PRKG1: variants seen among roughly 807,000 people sequenced by gnomAD.
PRKG1 encodes cGMP-dependent protein kinase 1.
A neutral mutation model predicts 88.1 loss-of-function variants in PRKG1; 35 were observed. The ratio of observed to expected loss-of-function variants is 0.40; its 90% confidence interval spans 0.30 to 0.53. PRKG1 has a LOEUF of 0.53. PRKG1 is among the 20% of genes least tolerant of loss of function. The pLI, the probability that PRKG1 is intolerant of heterozygous loss-of-function variation, is 0.59. For missense variants in PRKG1, 540 were observed against 839.8 expected (o/e 0.64, Z 4.41); for synonymous variants, 303 against 292.5 (o/e 1.04, Z -0.37).
chr10:51,332,412 A>C (rs934783730), intron 2 of PRKG1, among the ~76,000 whole-genome samples: 1 of 150,856 alleles, frequency 6.6e-6, no homozygotes, highest in Non-Finnish European at 1.5e-5. Flanking sequence ...CTCCACCTAA[A>C]AAAATCACAC....
chr10:51,975,978 A>C (rs1461447290), intron 5 of PRKG1, among the ~76,000 whole-genome samples: 1 of 152,020 alleles, frequency 6.6e-6, no homozygotes, highest in Non-Finnish European at 1.5e-5. Context: ...ATTTCAGCCA[A>C]GACAAAATAC....
chr10:51,989,715 G>T (rs1279937386), intron 5 of PRKG1, among the ~76,000 whole-genome samples: 2 of 152,064 alleles, frequency 1.3e-5, no homozygotes, highest in Non-Finnish European at 2.9e-5. Flanking sequence ...ACAATTTAGA[G>T]AATCTATAAG....
At position 52,259,194 on chromosome 10, in the gene PRKG1, A is replaced by C. The variant is rs149132637; in HGVS notation, c.1173+7528A>C. Among the ~76,000 whole-genome samples, 7 of 152,048 alleles carry C rather than the reference A, an allele frequency of 4.6e-5. No individual in the cohort carries two copies. In the East Asian group the frequency reaches 1.4e-3, roughly 29 times the overall value. ...AACACAGACTCTGCTCTGAACTTCT[A>C]TCTATGACATGAAAGAATGCACTAT... On this transcript the variant is annotated intron_variant, in intron 10 of 17. Coordinates refer to ENST00000373980, the MANE Select transcript of PRKG1 (RefSeq NM_006258.4).
chr10:51,292,539 T>A (rs1840610183), intron 2 of PRKG1, among the ~76,000 whole-genome samples: 1 of 152,152 alleles, frequency 6.6e-6, no homozygotes, highest in African/African-American at 2.4e-5. Context: ...CAATATTAAG[T>A]CATGTTTATT....
intron 4 of PRKG1, among the ~76,000 whole-genome samples, chr10:51,830,713 C>T (rs956662154): frequency 6.6e-6 from 1 of 151,666 alleles, no homozygotes; most frequent in South Asian, 2.1e-4. Flanking sequence ...AGGTGTGTGC[C>T]GCCACACCAG....
At chr10:51,425,275 C>G (rs1838543296) in intron 2 of PRKG1, among the ~76,000 whole-genome samples, 1 of 152,140 alleles carries the variant, frequency 6.6e-6, no homozygotes, top group South Asian at 2.1e-4. Context: ...GATCATTACC[C>G]TAATAGATTG....
At chr10:52,004,512 C>A (rs1012625328) in intron 5 of PRKG1, among the ~76,000 whole-genome samples, 7 of 152,146 alleles carry the variant, frequency 4.6e-5, no homozygotes, top group Non-Finnish European at 8.8e-5. Context: ...GACAAAAGAT[C>A]CCCATCTACT....
chr10:51,248,571 CAG>C (rs1427248378), intron 2 of PRKG1, among the ~76,000 whole-genome samples: 1 of 151,820 alleles, frequency 6.6e-6, no homozygotes, highest in Admixed American at 6.6e-5. Flanking sequence ...TTAAAATTAA[CAG>C]AATCCATTTA....
At chr10:51,753,582 A>G (rs556079306) in intron 3 of PRKG1, among the ~76,000 whole-genome samples, 2 of 152,298 alleles carry the variant, frequency 1.3e-5, no homozygotes, top group South Asian at 4.1e-4. Flanking sequence ...CATGTGGTCA[A>G]AGAGAGTAGA....
intron 1 of PRKG1, among the ~76,000 whole-genome samples, chr10:51,001,664 C>T (rs1363128787): frequency 6.6e-6 from 1 of 152,064 alleles, no homozygotes; most frequent in East Asian, 1.9e-4. Context: ...GTCATCTCCC[C>T]TATGGCTTAA....
intron 2 of PRKG1, among the ~76,000 whole-genome samples, chr10:51,324,724 G>A (rs959660562): frequency 3.3e-5 from 5 of 152,178 alleles, no homozygotes; most frequent in Non-Finnish European, 5.9e-5. Flanking sequence ...CTGGGCGACT[G>A]AGCGAGACTC....
At chr10:51,940,867 G>A (rs543336035) in intron 5 of PRKG1, among the ~76,000 whole-genome samples, 2 of 152,046 alleles carry the variant, frequency 1.3e-5, no homozygotes, top group Admixed American at 1.3e-4. Flanking sequence ...TCAGATCACA[G>A]TAGATATTGT....
chr10:51,435,016 C>G (rs1424895780), intron 2 of PRKG1, among the ~76,000 whole-genome samples: 1 of 151,880 alleles, frequency 6.6e-6, no homozygotes, highest in Non-Finnish European at 1.5e-5. Context: ...ACATTTTAAT[C>G]ACCATAAAAA....
chr10:51,704,264 G>A (rs1171959905), intron 3 of PRKG1, among the ~76,000 whole-genome samples: 1 of 152,024 alleles, frequency 6.6e-6, no homozygotes, highest in Non-Finnish European at 1.5e-5. Flanking sequence ...TAGATAGATA[G>A]ATAGATAGAT....
intron 3 of PRKG1, among the ~76,000 whole-genome samples, chr10:51,608,359 G>C (rs1838820061): frequency 6.6e-6 from 1 of 152,116 alleles, no homozygotes; most frequent in Admixed American, 6.6e-5. Flanking sequence ...TTTTGGAGTG[G>C]GCCAGAGTGT....
chr10:52,161,774 TG>T, intron 8 of PRKG1, 114 bp from the exon 9 acceptor site: 1 of 800,158 alleles, frequency 1.2e-6, no homozygotes. Flanking sequence ...TTAGATTAAG[TG>T]TTTGAATTTA....
chr10:52,277,381 A>G (rs1197561289), intron 12 of PRKG1, among the ~76,000 whole-genome samples: 1 of 152,178 alleles, frequency 6.6e-6, no homozygotes, highest in African/African-American at 2.4e-5. Context: ...TCCCTATTCT[A>G]TACTATGTTA....
At chr10:51,745,108 TA>T in intron 3 of PRKG1, among the ~76,000 whole-genome samples, 1 of 152,290 alleles carries the variant, frequency 6.6e-6, no homozygotes, top group South Asian at 2.1e-4. Context: ...TTCTAAAGAT[TA>T]AAAATAGAAA....
chr10:51,343,355 C>A (rs909329161), intron 2 of PRKG1, among the ~76,000 whole-genome samples: 1 of 152,090 alleles, frequency 6.6e-6, no homozygotes, highest in African/African-American at 2.4e-5. Context: ...CACCGCTCTC[C>A]CACCTGTGAT....
Sources: gnomAD v4.1 joint callset for allele counts (sites outside exome capture counted in the v4.1 genomes callset) on GRCh38, gnomAD v4.1.1 for gene constraint, MANE v1.5 for transcripts, NCBI Gene and HGNC (gene_info 2026-07-23, HGNC 2026-07-21) for gene names.